SCGB2B2: variants seen among roughly 807,000 people sequenced by gnomAD.
SCGB2B2 encodes secretoglobin family 2B member 2.
SCGB2B2 carries 11 observed loss-of-function variants against 7.6 expected under a neutral mutation model. The observed-to-expected ratio is 1.45, with a 90% confidence interval of 0.91 to 2.40. SCGB2B2 has a LOEUF of 2.40. SCGB2B2 is among the 30% of genes most tolerant of loss of function. The probability of loss-of-function intolerance (pLI) is 0.00; values close to 1 mark genes in which losing one functional copy is unlikely to be tolerated. For synonymous variants in SCGB2B2, 50 were observed against 48.6 expected, an observed-to-expected ratio of 1.03 and a Z score of -0.12; for missense variants, 104 against 115.4, an observed-to-expected ratio of 0.90 and a Z score of 0.45.
At chr19:34,674,646 G>T (rs1197400866) in intron 1 of SCGB2B2, among the ~76,000 whole-genome samples, 1 of 152,152 alleles carries the variant, frequency 6.6e-6, no homozygotes, top group Non-Finnish European at 1.5e-5. Context: ...GAGGATAGAG[G>T]GGTAACACCT....
At chr19:34,661,080 C>T (rs2067440205) in intron 1 of SCGB2B2, among the ~76,000 whole-genome samples, 1 of 145,770 alleles carries the variant, frequency 6.9e-6, no homozygotes, top group Non-Finnish European at 1.5e-5. Flanking sequence ...ACAATGAGAA[C>T]ACATGGACAC....
chr19:34,658,492 T>C (rs555236391), intron 1 of SCGB2B2, among the ~76,000 whole-genome samples: 3 of 152,064 alleles, frequency 2.0e-5, no homozygotes, highest in Admixed American at 2.0e-4. Flanking sequence ...AATAAACTAG[T>C]AAATCTAGAA....
intron 1 of SCGB2B2, among the ~76,000 whole-genome samples, chr19:34,650,270 T>G (rs2067129538): frequency 6.6e-6 from 1 of 151,104 alleles, no homozygotes; most frequent in African/African-American, 2.5e-5. Flanking sequence ...CTATGGAGAT[T>G]GGGGATCTTC....
rs142177025 is a variant in SCGB2B2, at chr19:34,594,275, C to T, written c.146G>A (p.Arg49His). Residue 49 changes from arginine (R) to histidine (H), a missense_variant, in exon 3 of 4, where the codon CGT becomes CAT. Physicochemically the swap from Arg to His is conservative, Grantham distance 29. Transcript: ENST00000601241. ...SQDLLKEELA[R>H]YNPSPLTEES... is the part of the protein sequence containing the mutation. ...CTCTGTCAGGGGACTGGGGTTGTAA[C>T]GAGCAAGCTCCTCCTTCAGGAGGTC... 3.1e-5 allele frequency: 50 copies of T among 1,613,994 alleles called. No individual in the cohort carries two copies. The highest frequency in any genetic ancestry group is 1.1e-4 in the African/African-American group (8 of 74,922).
chr19:34,622,932 T>TC (rs1491060924), intron 1 of SCGB2B2, among the ~76,000 whole-genome samples: 18 of 150,054 alleles, frequency 1.2e-4, no homozygotes, highest in Admixed American at 1.2e-3. Flanking sequence ...TTTTTTTTTT[T>TC]TATTATCTAT....
intron 1 of SCGB2B2, among the ~76,000 whole-genome samples, chr19:34,650,928 G>C (rs2067146673): frequency 6.6e-6 from 1 of 151,122 alleles, no homozygotes; most frequent in African/African-American, 2.5e-5. Context: ...ATTCAACCCA[G>C]GGATGCAAGA....
At chr19:34,623,514 A>C (rs1184231912) in intron 1 of SCGB2B2, among the ~76,000 whole-genome samples, 1 of 152,090 alleles carries the variant, frequency 6.6e-6, no homozygotes, top group African/African-American at 2.4e-5. Flanking sequence ...CCATGGATGC[A>C]AGCATTACCA....
In SCGB2B2 at chr19:34,604,477, C is replaced by G. The variant is rs140105866; in HGVS notation, c.-2031-7883G>C. The stretch of plus-strand genomic sequence containing the variant: ...CTTGAGTGCTCACCATCTAGCCGAG[C>G]CCAGCTTATATCAGCTGAAACACCA... On this transcript the variant is annotated intron_variant, in intron 1 of 3. Coordinates refer to ENST00000601241, the MANE Select transcript of SCGB2B2 (RefSeq NM_001025591.4). Among the ~76,000 whole-genome samples, 472 of 152,306 alleles carry G rather than the reference C, an allele frequency of 3.1e-3. 1 individual carries two copies. The highest frequency in any genetic ancestry group is 0.011 in the African/African-American group (449 of 41,564).
At chr19:34,613,102 CTTTTT>C (rs35050277) in intron 1 of SCGB2B2, among the ~76,000 whole-genome samples, 2 of 141,926 alleles carry the variant, frequency 1.4e-5, no homozygotes, top group African/African-American at 2.6e-5. Context: ...ATTTTCTTTT[CTTTTT>C]TTTTTTTTTG....
At position 34,676,857 on chromosome 19, in the gene SCGB2B2, C is replaced by G. The variant is rs184702982; in HGVS notation, c.-3259G>C. On this transcript the variant is annotated 5_prime_UTR_variant, in exon 1 of 4. Transcript: ENST00000601241. ...ACAGTAGACTGCTCTGGCTTGCATA[C>G]AGAGAGGTCCATTGCCCTTTTGGGT... 1 of 152,248 alleles carries G rather than the reference C, an allele frequency of 6.6e-6. No individual in the cohort carries two copies. The highest frequency in any genetic ancestry group is 2.4e-5 in the African/African-American group (1 of 41,544). 9.4% of individuals were successfully genotyped at this position (152,248 alleles called of 1,614,324 possible). A position where few individuals can be genotyped will look rare whatever the true frequency, so the allele number is the denominator to read the frequency against.
intron 1 of SCGB2B2, among the ~76,000 whole-genome samples, chr19:34,623,004 C>T (rs73040230): frequency 0.086 from 13,066 of 151,070 alleles, 711 homozygotes; most frequent in East Asian, 0.28. Flanking sequence ...CTCCAATATA[C>T]GCATTTGAAA....
chr19:34,617,926 T>C (rs1413516601), intron 1 of SCGB2B2, among the ~76,000 whole-genome samples: 3 of 152,212 alleles, frequency 2.0e-5, no homozygotes, highest in Non-Finnish European at 4.4e-5. Flanking sequence ...TTTCTTTGAC[T>C]AGGAAAGGGA....
In SCGB2B2 at chr19:34,594,816, A is replaced by T; in HGVS notation, c.-253T>A. On this transcript the variant is annotated 5_prime_UTR_variant, in exon 2 of 4. An upstream open reading frame in the 5' UTR gains an earlier in-frame stop. Coordinates refer to ENST00000601241, the MANE Select transcript of SCGB2B2 (RefSeq NM_001025591.4). ...GCAGTGGGAGGGGTTGGGTGTTGTG[A>T]CATTCTCTCTGTCCTCCCTGGAGCT... is the stretch of plus-strand genomic sequence containing the variant. The T allele has an allele frequency of 1.9e-6, 1 of 532,624 alleles. No individual in the cohort carries two copies. The highest frequency in any genetic ancestry group is 3.2e-5 in the East Asian group (1 of 30,908). The allele number at this position is 532,624 out of a possible 1,614,324, so 33.0% of individuals were successfully genotyped here.
intron 1 of SCGB2B2, among the ~76,000 whole-genome samples, chr19:34,657,750 T>C (rs1036659523): frequency 1.3e-5 from 2 of 151,096 alleles, no homozygotes; most frequent in African/African-American, 2.4e-5. Context: ...GCGGACCTAA[T>C]AGACATCTAC....
At chr19:34,593,816 G>T (rs1414449557) in intron 3 of SCGB2B2, among the ~76,000 whole-genome samples, 1 of 152,022 alleles carries the variant, frequency 6.6e-6, no homozygotes, top group South Asian at 2.1e-4. Flanking sequence ...CATGTGTGTG[G>T]GCAGGCATGG....
chr19:34,660,427 C>T (rs2067420635), intron 1 of SCGB2B2, among the ~76,000 whole-genome samples: 1 of 152,146 alleles, frequency 6.6e-6, no homozygotes, highest in African/African-American at 2.4e-5. Context: ...AGAACTTAAA[C>T]AAATTTACAA....
intron 1 of SCGB2B2, among the ~76,000 whole-genome samples, chr19:34,631,172 A>C (rs1406316140): frequency 3.3e-5 from 5 of 151,898 alleles, no homozygotes; most frequent in Admixed American, 2.6e-4. Context: ...TTAAATGACG[A>C]GTTAACGGGT....
intron 1 of SCGB2B2, among the ~76,000 whole-genome samples, chr19:34,654,528 C>T (rs572867546): frequency 6.6e-6 from 1 of 151,184 alleles, no homozygotes. Flanking sequence ...AGCAATTATT[C>T]TGGCAGTCAC....
chr19:34,589,357 G>A (rs1313583811), downstream of SCGB2B2, among the ~76,000 whole-genome samples: 2 of 152,078 alleles, frequency 1.3e-5, no homozygotes, highest in Admixed American at 6.5e-5. Flanking sequence ...GCCAGGGCAG[G>A]AGGCCAGCTC....
Sources: allele counts gnomAD v4.1 joint callset (sites outside exome capture counted in the v4.1 genomes callset), GRCh38; gene constraint gnomAD v4.1.1; transcripts MANE v1.5; gene names NCBI Gene and HGNC (gene_info 2026-07-23, HGNC 2026-07-21).